LRRC4C: variants seen among roughly 807,000 people sequenced by gnomAD.
LRRC4C encodes leucine-rich repeat-containing protein 4C.
A neutral mutation model predicts 33.6 loss-of-function variants in LRRC4C; 5 were observed. That is an observed-to-expected ratio of 0.15 (90% CI 0.08 to 0.31). LRRC4C has a LOEUF of 0.31. LRRC4C is among the 10% of genes least tolerant of loss of function. LRRC4C has a pLI of 1.00. For synonymous variants in LRRC4C, 329 were observed against 302.0 expected, an observed-to-expected ratio of 1.09 and a Z score of -0.93; for missense variants, 560 against 796.7, an observed-to-expected ratio of 0.70 and a Z score of 3.58.
chr11:40,177,029 C>T (rs763144896), intron 5 of LRRC4C, among the ~76,000 whole-genome samples: 1 of 146,368 alleles, frequency 6.8e-6, no homozygotes, highest in African/African-American at 2.5e-5. Flanking sequence ...CAGGTTCACA[C>T]CATTCTCCTG....
chr11:41,184,764 T>C (rs567635507), intron 1 of LRRC4C, among the ~76,000 whole-genome samples: 43 of 150,828 alleles, frequency 2.9e-4, no homozygotes, highest in African/African-American at 9.8e-4. Flanking sequence ...TTTACTTTAT[T>C]AGTCCATTTT....
At chr11:40,959,726 C>T (rs1246306811) in intron 1 of LRRC4C, among the ~76,000 whole-genome samples, 1 of 151,570 alleles carries the variant, frequency 6.6e-6, no homozygotes, top group Admixed American at 6.6e-5. Context: ...TGAGTGAGCA[C>T]AGTGCTCTAG....
At chr11:40,854,332 T>G (rs1953661950) in intron 2 of LRRC4C, among the ~76,000 whole-genome samples, 3 of 152,200 alleles carry the variant, frequency 2.0e-5, no homozygotes, top group African/African-American at 4.8e-5. Flanking sequence ...ATGGCAAGGC[T>G]GCTGCCCTGT....
At chr11:40,462,618 A>G (rs531321709) in intron 3 of LRRC4C, among the ~76,000 whole-genome samples, 1 of 152,242 alleles carries the variant, frequency 6.6e-6, no homozygotes, top group Admixed American at 6.5e-5. Flanking sequence ...GGATAAAAAT[A>G]CACACACAAA....
chr11:40,575,186 T>A (rs189940346), intron 3 of LRRC4C, among the ~76,000 whole-genome samples: 172 of 152,210 alleles, frequency 1.1e-3, no homozygotes, highest in Admixed American at 2.6e-3. Context: ...AGCTCATGAA[T>A]GCATGTGAGT....
chr11:41,193,308 C>A (rs1255865119), intron 1 of LRRC4C, among the ~76,000 whole-genome samples: 3 of 152,024 alleles, frequency 2.0e-5, no homozygotes, highest in African/African-American at 4.8e-5. Flanking sequence ...TCTACTTGCT[C>A]CTAAAAACCA....
intron 6 of LRRC4C, among the ~76,000 whole-genome samples, chr11:40,135,484 A>AAAATATT (rs1258912727): frequency 6.6e-6 from 1 of 152,194 alleles, no homozygotes; most frequent in African/African-American, 2.4e-5. Context: ...CCTGCAATGC[A>AAAATATT]TCATTTGCAA....
intron 1 of LRRC4C, among the ~76,000 whole-genome samples, chr11:40,953,169 A>T (rs1210566155): frequency 6.6e-6 from 1 of 151,974 alleles, no homozygotes; most frequent in African/African-American, 2.4e-5. Flanking sequence ...GTTCATGGAA[A>T]ATCTATCCCG....
At chr11:40,887,845 C>T (rs1955533148) in intron 2 of LRRC4C, among the ~76,000 whole-genome samples, 1 of 151,882 alleles carries the variant, frequency 6.6e-6, no homozygotes, top group Admixed American at 6.6e-5. Context: ...ATTCTATATC[C>T]TTGTGGCTCT....
intron 3 of LRRC4C, among the ~76,000 whole-genome samples, chr11:40,601,838 AT>A (rs1960028098): frequency 6.6e-6 from 1 of 152,086 alleles, no homozygotes; most frequent in South Asian, 2.1e-4. Context: ...ACTGCACCCA[AT>A]TTCAGATTGG....
At chr11:40,718,318 T>G (rs186115323) in intron 2 of LRRC4C, among the ~76,000 whole-genome samples, 214 of 152,240 alleles carry the variant, frequency 1.4e-3, no homozygotes, top group Middle Eastern at 0.01. Context: ...CATTTTACAA[T>G]GCATAGGACA....
chr11:41,416,123 G>A (rs1163221449), intron 1 of LRRC4C, among the ~76,000 whole-genome samples: 1 of 152,012 alleles, frequency 6.6e-6, no homozygotes, highest in Non-Finnish European at 1.5e-5. Flanking sequence ...ATATAAAGCT[G>A]TTAATTTGTT....
At chr11:41,002,620 T>C (rs1409414686) in intron 1 of LRRC4C, among the ~76,000 whole-genome samples, 1 of 152,218 alleles carries the variant, frequency 6.6e-6, no homozygotes, top group Non-Finnish European at 1.5e-5. Context: ...AATAATGGCA[T>C]TGTATTTTAT....
chr11:40,321,362 G>A (rs912083865), intron 3 of LRRC4C, among the ~76,000 whole-genome samples: 1 of 152,132 alleles, frequency 6.6e-6, no homozygotes, highest in African/African-American at 2.4e-5. Context: ...AGATTTGTTT[G>A]CTACTATTAT....
intron 2 of LRRC4C, among the ~76,000 whole-genome samples, chr11:40,784,427 G>A (rs1950329354): frequency 6.6e-6 from 1 of 152,178 alleles, no homozygotes; most frequent in South Asian, 2.1e-4. Context: ...TTGGGAAAGA[G>A]CTTGGAAAAG....
intron 1 of LRRC4C, among the ~76,000 whole-genome samples, chr11:41,265,879 A>T (rs889100125): frequency 0.017 from 20 of 1,186 alleles, no homozygotes; most frequent in African/African-American, 0.068. Flanking sequence ...TTCTTTTTTT[A>T]AAAAAAAAAT....
At chr11:41,451,013 G>A (rs989853656) in intron 1 of LRRC4C, among the ~76,000 whole-genome samples, 1 of 151,956 alleles carries the variant, frequency 6.6e-6, no homozygotes, top group Non-Finnish European at 1.5e-5. Flanking sequence ...GCCTTGTTTA[G>A]CAAGTTAATT....
intron 1 of LRRC4C, among the ~76,000 whole-genome samples, chr11:41,205,989 G>C (rs1462511686): frequency 6.6e-6 from 1 of 152,062 alleles, no homozygotes; most frequent in African/African-American, 2.4e-5. Flanking sequence ...CACTGAAGTA[G>C]TATACTATAG....
intron 3 of LRRC4C, among the ~76,000 whole-genome samples, chr11:40,546,068 T>A (rs1231446648): frequency 7.9e-6 from 1 of 126,572 alleles, no homozygotes; most frequent in South Asian, 2.5e-4. Flanking sequence ...CTTCCTTCCT[T>A]CCTTCCTTCC....
Sources: gnomAD v4.1 joint callset for allele counts (sites outside exome capture counted in the v4.1 genomes callset) on GRCh38, gnomAD v4.1.1 for gene constraint, MANE v1.5 for transcripts, NCBI Gene and HGNC (gene_info 2026-07-23, HGNC 2026-07-21) for gene names.